Variants in KDM6A observed in about 807,000 individuals in gnomAD.
KDM6A encodes the protein lysine-specific demethylase 6A.
KDM6A carries 11 observed loss-of-function variants against 117.6 expected under a neutral mutation model. The ratio of observed to expected loss-of-function variants is 0.09; its 90% confidence interval spans 0.06 to 0.15. The LOEUF (loss-of-function observed/expected upper bound fraction) is 0.15. KDM6A is among the 10% of genes least tolerant of loss of function. The probability of loss-of-function intolerance (pLI) is 1.00; values close to 1 mark genes in which losing one functional copy is unlikely to be tolerated. For synonymous variants in KDM6A, 384 were observed against 396.1 expected (o/e 0.97, Z 0.36); for missense variants, 799 against 1,077.3 (o/e 0.74, Z 3.62).
intron 8 of KDM6A, among the ~76,000 whole-genome samples, chrX:45,043,288 TCAAA>T (rs2043370591): frequency 9.1e-6 from 1 of 109,934 alleles, no homozygotes; most frequent in Non-Finnish European, 1.9e-5. Flanking sequence ...AGACCCCGTC[TCAAA>T]CAAAAAGGAA....
At chrX:44,883,028 C>T (rs1305943850) in intron 2 of KDM6A, among the ~76,000 whole-genome samples, 2 of 109,739 alleles carry the variant, frequency 1.8e-5, no homozygotes, top group African/African-American at 6.7e-5. Flanking sequence ...TAATGAACTC[C>T]TGTTTTCAAC....
At chrX:44,997,394 G>A (rs765062242) in intron 4 of KDM6A, among the ~76,000 whole-genome samples, 71 of 111,849 alleles carry the variant, frequency 6.3e-4, no homozygotes, top group African/African-American at 2.0e-3. Flanking sequence ...GTGGCCTGCC[G>A]GTGTGCCAGC....
intron 2 of KDM6A, among the ~76,000 whole-genome samples, chrX:44,876,312 T>A (rs2031534311): frequency 8.9e-6 from 1 of 111,972 alleles, no homozygotes. Flanking sequence ...ATTATATAAC[T>A]TCGCACCCTC....
intron 2 of KDM6A, among the ~76,000 whole-genome samples, chrX:44,880,746 C>T (rs771499224): frequency 1.2e-3 from 127 of 109,355 alleles, no homozygotes; most frequent in African/African-American, 4.1e-3. Flanking sequence ...GAGCCGAGAT[C>T]GCGCCACTGC....
chrX:44,931,926 G>A (rs1442056565), intron 2 of KDM6A, among the ~76,000 whole-genome samples: 1 of 109,540 alleles, frequency 9.1e-6, no homozygotes, highest in Non-Finnish European at 1.9e-5. Flanking sequence ...ATCTTATTTG[G>A]TGTTCTTTTA....
At chrX:44,928,645 GATA>G (rs1463530197) in intron 2 of KDM6A, among the ~76,000 whole-genome samples, 2 of 111,689 alleles carry the variant, frequency 1.8e-5, no homozygotes, top group Non-Finnish European at 3.8e-5. Flanking sequence ...AACAGAAATT[GATA>G]ATAATAAGGA....
At chrX:45,025,744 ATATT>A (rs1295756458) in intron 6 of KDM6A, among the ~76,000 whole-genome samples, 1 of 112,357 alleles carries the variant, frequency 8.9e-6, no homozygotes, top group Non-Finnish European at 1.9e-5. Context: ...TAATGTTTAC[ATATT>A]TAAATATTCC....
chrX:45,092,440 T>G (rs998858018), intron 27 of KDM6A, among the ~76,000 whole-genome samples: 1 of 111,989 alleles, frequency 8.9e-6, no homozygotes, highest in African/African-American at 3.2e-5. Flanking sequence ...AACATTCTTT[T>G]CACCTCACTA....
At chrX:45,027,154 C>T (rs1425745962) in intron 6 of KDM6A, among the ~76,000 whole-genome samples, 1 of 107,462 alleles carries the variant, frequency 9.3e-6, no homozygotes, top group Non-Finnish European at 1.9e-5. Context: ...CACACACACA[C>T]GTTTGTTAGT....
At chrX:45,083,242 GT>G (rs1405188385) in intron 23 of KDM6A, among the ~76,000 whole-genome samples, 4 of 111,500 alleles carry the variant, frequency 3.6e-5, no homozygotes, top group East Asian at 2.8e-4. Flanking sequence ...TATTAAAATA[GT>G]TTTTTTCTTT....
intron 27 of KDM6A, among the ~76,000 whole-genome samples, chrX:45,094,792 G>A (rs1438968302): frequency 3.6e-5 from 4 of 111,415 alleles, no homozygotes; most frequent in Non-Finnish European, 7.5e-5. Context: ...CTGTGCATTT[G>A]CGTGAGCTTA....
At chrX:44,983,254 A>G (rs1444170979) in intron 4 of KDM6A, among the ~76,000 whole-genome samples, 2 of 111,559 alleles carry the variant, frequency 1.8e-5, no homozygotes, top group African/African-American at 3.3e-5. Context: ...AGTCAGCACA[A>G]ATAGGTAGTG....
In KDM6A at chrX:45,107,430, T is replaced by A. The variant is rs2046571649; in HGVS notation, c.4055T>A (p.Leu1352Gln). 8.3e-7 allele frequency: 1 copy of A among 1,207,128 alleles called. No individual in the cohort carries two copies. The highest frequency in any genetic ancestry group is 1.8e-5 in the African/African-American group (1 of 57,099). ...AATAGGTATTGTCTTCTAAGAACTC[T>A]GAAGCAATGTCAGACATTGAGGGAA... ...EMIKYCLLRT[L>Q]KQCQTLREAL... Residue 1352 changes from leucine to glutamine, a missense_variant, in exon 28 of 30, where the codon CTG (leucine) becomes CAG (glutamine). Leu to Gln is a moderately radical substitution (Grantham distance 113). Transcript: ENST00000611820.
At chrX:45,028,680 C>T (rs936076539) in intron 6 of KDM6A, among the ~76,000 whole-genome samples, 2 of 111,758 alleles carry the variant, frequency 1.8e-5, no homozygotes, top group African/African-American at 6.5e-5. Flanking sequence ...TTGTACTACT[C>T]GTCAGCTTGT....
At chrX:45,041,284 A>G (rs1361085820) in intron 8 of KDM6A, among the ~76,000 whole-genome samples, 3 of 68,735 alleles carry the variant, frequency 4.4e-5, no homozygotes, top group African/African-American at 6.0e-5. Flanking sequence ...CGGACTGGGC[A>G]GCTGGCCGGG....
At chrX:44,911,086 G>A (rs1390684326) in intron 2 of KDM6A, among the ~76,000 whole-genome samples, 4 of 103,949 alleles carry the variant, frequency 3.8e-5, no homozygotes, top group Non-Finnish European at 7.9e-5. Flanking sequence ...GGGCAGAGGC[G>A]CCCCCACCTC....
chrX:44,883,432 G>A (rs5952271), intron 2 of KDM6A, among the ~76,000 whole-genome samples: 7,821 of 108,233 alleles, frequency 0.072, 643 homozygotes, highest in African/African-American at 0.24. Flanking sequence ...GAGTGCAGTG[G>A]TGTGATCTTG....
chrX:44,884,538 A>G (rs768508892), intron 2 of KDM6A, among the ~76,000 whole-genome samples: 8 of 111,786 alleles, frequency 7.2e-5, no homozygotes, highest in African/African-American at 9.7e-5. Context: ...CCCGCAGACT[A>G]TTGCATTTTG....
intron 4 of KDM6A, among the ~76,000 whole-genome samples, chrX:44,980,192 C>T (rs987000447): frequency 1.8e-5 from 2 of 110,124 alleles, no homozygotes; most frequent in Non-Finnish European, 3.8e-5. Flanking sequence ...AGACAGGTTT[C>T]ACCATGTTGG....
Sources: gnomAD v4.1 joint callset for allele counts (sites outside exome capture counted in the v4.1 genomes callset) on GRCh38, gnomAD v4.1.1 for gene constraint, MANE v1.5 for transcripts, NCBI Gene and HGNC (gene_info 2026-07-23, HGNC 2026-07-21) for gene names.